The following NFIB variants were observed in gnomAD, a reference collection of about 807,000 sequenced individuals.
NFIB encodes nuclear factor I B.
A neutral mutation model predicts 61.5 loss-of-function variants in NFIB; 11 were observed. The observed-to-expected ratio is 0.18, with a 90% CI of 0.11 to 0.30. The LOEUF (loss-of-function observed/expected upper bound fraction) is 0.30, where lower values mean the gene tolerates loss of function less well. Among genes scored for constraint, NFIB ranks in the 10% least tolerant of loss-of-function variants. NFIB has a pLI of 1.00. For missense variants in NFIB, 471 were observed against 608.9 expected, an observed-to-expected ratio of 0.77 and a Z score of 2.38; for synonymous variants, 260 against 216.5, an observed-to-expected ratio of 1.20 and a Z score of -1.76.
chr9:14,243,050 A>C (rs2054515612), intron 2 of NFIB, among the ~76,000 whole-genome samples: 1 of 152,220 alleles, frequency 6.6e-6, no homozygotes, highest in African/African-American at 2.4e-5. Context: ...GTATGTCGGT[A>C]AGGAAACAGC....
chr9:14,092,562 A>T (rs1404711674), intron 10 of NFIB, among the ~76,000 whole-genome samples: 2 of 152,088 alleles, frequency 1.3e-5, no homozygotes, highest in African/African-American at 4.8e-5. Context: ...ACTTAACATA[A>T]GAAAGAACTT....
At chr9:14,208,019 G>A (rs2049924753) in intron 2 of NFIB, among the ~76,000 whole-genome samples, 1 of 152,174 alleles carries the variant, frequency 6.6e-6, no homozygotes, top group Admixed American at 6.5e-5. Context: ...TCAGCATGAT[G>A]ACTTGAAAAG....
At chr9:14,495,458 T>TTTTTTTTTTTTTTTTG in the NFIB span, among the ~76,000 whole-genome samples, 1 of 147,618 alleles carries the variant, frequency 6.8e-6, no homozygotes, top group Non-Finnish European at 1.5e-5. Context: ...TTTTTTTTTT[T>TTTTTTTTTTTTTTTTG]TTTTTTGTCT....
intron 1 of NFIB, among the ~76,000 whole-genome samples, chr9:14,346,855 T>TA (rs2061029511): frequency 6.6e-6 from 1 of 152,076 alleles, no homozygotes; most frequent in Non-Finnish European, 1.5e-5. Context: ...GGGTCTCCTA[T>TA]CAACTGCTAC....
chr9:14,282,699 G>C (rs1355420201), intron 2 of NFIB, among the ~76,000 whole-genome samples: 15 of 152,220 alleles, frequency 9.9e-5, no homozygotes, highest in African/African-American at 3.6e-4. Context: ...CCTTTTTACA[G>C]ATCAGGAAAC....
intron 2 of NFIB, among the ~76,000 whole-genome samples, chr9:14,202,931 TTC>T (rs1258290307): frequency 6.6e-6 from 1 of 152,240 alleles, no homozygotes; most frequent in African/African-American, 2.4e-5. Flanking sequence ...AGAAAATTAT[TTC>T]TTTCACTCCA....
chr9:14,239,705 G>A (rs892502154), intron 2 of NFIB, among the ~76,000 whole-genome samples: 4 of 152,178 alleles, frequency 2.6e-5, no homozygotes, highest in African/African-American at 7.2e-5. Context: ...AACCTTACAC[G>A]ATTATAATGA....
chr9:14,504,966 G>A, the NFIB span, among the ~76,000 whole-genome samples: 1 of 152,196 alleles, frequency 6.6e-6, no homozygotes, highest in African/African-American at 2.4e-5. Flanking sequence ...TTGGCTGTGG[G>A]TTTGTCATAG....
chr9:14,134,897 CAAAAAAAAAAAAAA>C (rs57014530), intron 6 of NFIB, among the ~76,000 whole-genome samples: 1 of 64,344 alleles, frequency 1.6e-5, no homozygotes, highest in African/African-American at 4.6e-5. Context: ...GACTCTGTCT[CAAAAAAAAAAAAAA>C]AAAAAAAAAG....
the NFIB span, among the ~76,000 whole-genome samples, chr9:14,410,186 C>T: frequency 6.6e-6 from 1 of 151,216 alleles, no homozygotes; most frequent in African/African-American, 2.4e-5. Flanking sequence ...TTTCTTGATA[C>T]CTACTATTTT....
intron 2 of NFIB, among the ~76,000 whole-genome samples, chr9:14,185,706 G>A (rs1056311069): frequency 2.0e-5 from 3 of 152,112 alleles, no homozygotes; most frequent in Admixed American, 6.5e-5. Context: ...AAAGCATACC[G>A]CTCTGTGTAA....
the NFIB span, among the ~76,000 whole-genome samples, chr9:14,437,662 G>C: frequency 6.6e-6 from 1 of 152,150 alleles, no homozygotes; most frequent in African/African-American, 2.4e-5. Flanking sequence ...GAGGAGCTGG[G>C]AGCTGACAGG....
intron 6 of NFIB, among the ~76,000 whole-genome samples, chr9:14,138,776 T>A (rs768415590): frequency 6.6e-5 from 10 of 152,194 alleles, no homozygotes; most frequent in Non-Finnish European, 1.5e-4. Context: ...AAATTGTGCT[T>A]AAACATTCAT....
intron 2 of NFIB, among the ~76,000 whole-genome samples, chr9:14,182,926 A>G (rs2046967480): frequency 6.6e-6 from 1 of 152,072 alleles, no homozygotes; most frequent in South Asian, 2.1e-4. Context: ...CACCAAAAGC[A>G]TTGGGTCAGA....
chr9:14,505,733 T>C, the NFIB span, among the ~76,000 whole-genome samples: 1 of 152,142 alleles, frequency 6.6e-6, no homozygotes, highest in Non-Finnish European at 1.5e-5. Flanking sequence ...AGGAATGCCA[T>C]GGAGCTGGAC....
At chr9:14,143,991 AGTGTGTGTGTGTGTGTGTGT>A (rs141101627) in intron 6 of NFIB, among the ~76,000 whole-genome samples, 3 of 134,148 alleles carry the variant, frequency 2.2e-5, no homozygotes, top group African/African-American at 2.8e-5. Context: ...AAAGTGACAG[AGTGTGTGTGTGTGTGTGTGT>A]GTGTGTGTGT....
chr9:14,094,815 A>G (rs1212751383), intron 10 of NFIB, among the ~76,000 whole-genome samples: 1 of 152,096 alleles, frequency 6.6e-6, no homozygotes, highest in Non-Finnish European at 1.5e-5. Context: ...CTCCTTGGGG[A>G]CCAACGGTTT....
chr9:14,340,626 A>G (rs1245232208), intron 1 of NFIB, among the ~76,000 whole-genome samples: 1 of 152,242 alleles, frequency 6.6e-6, no homozygotes, highest in African/African-American at 2.4e-5. Flanking sequence ...TAGCAAGTAG[A>G]AGCAAACTTT....
At chr9:14,468,673 A>G in the NFIB span, among the ~76,000 whole-genome samples, 2 of 152,358 alleles carry the variant, frequency 1.3e-5, no homozygotes, top group South Asian at 4.1e-4. Context: ...AACTGGATAG[A>G]AAACTGGTGG....
Sources: gnomAD v4.1 joint callset for allele counts (sites outside exome capture counted in the v4.1 genomes callset) on GRCh38, gnomAD v4.1.1 for gene constraint, MANE v1.5 for transcripts, NCBI Gene and HGNC (gene_info 2026-07-23, HGNC 2026-07-21) for gene names.